GRID2: variants seen among roughly 807,000 people sequenced by gnomAD.
GRID2 encodes glutamate receptor ionotropic, delta-2.
A neutral mutation model predicts 114.8 loss-of-function variants in GRID2; 33 were observed. That is an observed-to-expected ratio of 0.29 (90% CI 0.22 to 0.38). The LOEUF is 0.38. Among genes scored for constraint, GRID2 ranks in the 10% least tolerant of loss-of-function variants. The pLI is 1.00. For synonymous variants in GRID2, 505 were observed against 449.9 expected, an observed-to-expected ratio of 1.12 and a Z score of -1.55; for missense variants, 1,184 against 1,257.7, an observed-to-expected ratio of 0.94 and a Z score of 0.89.
At chr4:93,425,606 A>C (rs1768766457) in intron 10 of GRID2, among the ~76,000 whole-genome samples, 1 of 152,112 alleles carries the variant, frequency 6.6e-6, no homozygotes, top group Non-Finnish European at 1.5e-5. Context: ...TCTCTCCCAT[A>C]TATGTGCAGT....
intron 2 of GRID2, among the ~76,000 whole-genome samples, chr4:93,016,369 C>A (rs1237258576): frequency 6.6e-6 from 1 of 152,114 alleles, no homozygotes; most frequent in Non-Finnish European, 1.5e-5. Context: ...GCTTACAATG[C>A]ACTGTGCACT....
chr4:93,578,456 A>T (rs866134405), intron 13 of GRID2, among the ~76,000 whole-genome samples: 14 of 152,108 alleles, frequency 9.2e-5, no homozygotes, highest in Non-Finnish European at 1.5e-4. Context: ...CAAATTTACA[A>T]ATTCAAAATT....
intron 2 of GRID2, among the ~76,000 whole-genome samples, chr4:92,668,814 T>A (rs1463616791): frequency 1.3e-5 from 2 of 152,006 alleles, no homozygotes; most frequent in East Asian, 3.9e-4. Flanking sequence ...GCATAAATAT[T>A]ATAGTCCCCT....
intron 1 of GRID2, among the ~76,000 whole-genome samples, chr4:92,502,797 A>C (rs1002994016): frequency 3.6e-5 from 5 of 138,964 alleles, no homozygotes; most frequent in Non-Finnish European, 7.5e-5. Context: ...AGCTCACTGC[A>C]ACCTCCGCCT....
Position 93,259,043 on chromosome 4 carries a change from A to G in GRID2, c.1245+20553A>G, listed in dbSNP as rs567007745. On this transcript the variant is annotated intron_variant, in intron 8 of 15. Transcript: ENST00000282020. Reference sequence around the variant, plus strand: ...CACAGAAAGGGAAAAAAGATTAAAGAAAAAAAAGTATTATAGAGATGCTTT... The same window carrying G: ...CACAGAAAGGGAAAAAAGATTAAAGGAAAAAAAGTATTATAGAGATGCTTT... 1.0e-5 allele frequency: 4 copies of G among 388,404 alleles called. No homozygotes were observed. The East Asian group carries it at 2.9e-4, about 28-fold the overall frequency. The allele number at this position is 388,404 out of a possible 1,614,324, so 24.1% of individuals were successfully genotyped here. A position where few individuals can be genotyped will look rare whatever the true frequency, so the allele number is the denominator to read the frequency against.
At chr4:93,373,632 C>T (rs1040241872) in intron 8 of GRID2, among the ~76,000 whole-genome samples, 2 of 152,136 alleles carry the variant, frequency 1.3e-5, no homozygotes, top group Non-Finnish European at 2.9e-5. Flanking sequence ...TCATTTGTAA[C>T]TGAATCTTTG....
At chr4:92,669,730 A>G (rs1732963415) in intron 2 of GRID2, among the ~76,000 whole-genome samples, 1 of 152,074 alleles carries the variant, frequency 6.6e-6, no homozygotes, top group Non-Finnish European at 1.5e-5. Flanking sequence ...TGATCAGACC[A>G]TAAGGAATAT....
chr4:92,354,761 C>T (rs553756646), intron 1 of GRID2, among the ~76,000 whole-genome samples: 1 of 152,032 alleles, frequency 6.6e-6, no homozygotes, highest in Admixed American at 6.6e-5. Context: ...TGCCCTAGAC[C>T]TGTCTAGACA....
chr4:92,311,662 AATAAG>A (rs1725714619), intron 1 of GRID2, among the ~76,000 whole-genome samples: 1 of 152,074 alleles, frequency 6.6e-6, no homozygotes, highest in Non-Finnish European at 1.5e-5. Context: ...AGTAAGCTTA[AATAAG>A]ATATTTGCTT....
At chr4:92,910,736 G>A (rs1238284220) in intron 2 of GRID2, among the ~76,000 whole-genome samples, 1 of 152,014 alleles carries the variant, frequency 6.6e-6, no homozygotes, top group Non-Finnish European at 1.5e-5. Context: ...ATAAAATGGT[G>A]TGGCACTTGC....
rs148271740 is a variant in GRID2, at chr4:93,480,301, A to G, written c.1859-10338A>G. ...AAAAAAGGACATATCAAAAAATGCT[A>G]CCTTGACCCCTTCTTCAGTATTGGG... is the stretch of plus-strand genomic sequence containing the variant. On this transcript the variant is annotated intron_variant, in intron 11 of 15. Transcript: ENST00000282020. 7.2e-5 allele frequency among the ~76,000 whole-genome samples: 11 copies of G among 152,124 alleles called. No individual in the cohort carries two copies. The East Asian group carries it at 2.2e-3, about 30-fold the overall frequency.
chr4:92,608,711 T>C (rs951727475), intron 2 of GRID2, among the ~76,000 whole-genome samples: 68 of 151,934 alleles, frequency 4.5e-4, no homozygotes, highest in Admixed American at 7.9e-4. Context: ...GTGGTTCCTT[T>C]ATATGCATAG....
At chr4:93,435,672 A>G (rs985771805) in intron 10 of GRID2, among the ~76,000 whole-genome samples, 1 of 152,206 alleles carries the variant, frequency 6.6e-6, no homozygotes, top group African/African-American at 2.4e-5. Context: ...TATGCCCATT[A>G]TGTAGATTTA....
intron 2 of GRID2, among the ~76,000 whole-genome samples, chr4:92,685,190 A>AC (rs2039193819): frequency 6.6e-6 from 1 of 152,094 alleles, no homozygotes; most frequent in Non-Finnish European, 1.5e-5. Flanking sequence ...TGTTCTACTT[A>AC]CTTTTGTCAT....
At chr4:93,234,419 G>A (rs187828175) in intron 7 of GRID2, among the ~76,000 whole-genome samples, 247 of 152,100 alleles carry the variant, frequency 1.6e-3, no homozygotes, top group Admixed American at 3.9e-3. Context: ...TCAGTTAACC[G>A]GTTGACTTAG....
At chr4:93,528,615 A>G (rs1731153561) in intron 13 of GRID2, among the ~76,000 whole-genome samples, 1 of 152,098 alleles carries the variant, frequency 6.6e-6, no homozygotes, top group Non-Finnish European at 1.5e-5. Context: ...GTGCTTGCTT[A>G]TCATATAAAG....
intron 2 of GRID2, among the ~76,000 whole-genome samples, chr4:92,950,535 T>A (rs1751952879): frequency 6.6e-6 from 1 of 152,176 alleles, no homozygotes; most frequent in South Asian, 2.1e-4. Flanking sequence ...TGATGCTTCA[T>A]TCATTTCAGA....
At chr4:92,650,873 G>A (rs965435332) in intron 2 of GRID2, among the ~76,000 whole-genome samples, 1 of 151,976 alleles carries the variant, frequency 6.6e-6, no homozygotes, top group Non-Finnish European at 1.5e-5. Flanking sequence ...ACAGTCTTCT[G>A]TAGGACCCTG....
intron 13 of GRID2, among the ~76,000 whole-genome samples, chr4:93,608,312 T>TTA (rs1740525699): frequency 4.3e-5 from 5 of 117,468 alleles, no homozygotes; most frequent in Admixed American, 8.3e-5. Flanking sequence ...TTTTTTTTAA[T>TTA]TTTTTTTTTT....
Sources: gnomAD v4.1 joint callset for allele counts (sites outside exome capture counted in the v4.1 genomes callset) on GRCh38, gnomAD v4.1.1 for gene constraint, MANE v1.5 for transcripts, NCBI Gene and HGNC (gene_info 2026-07-23, HGNC 2026-07-21) for gene names.